Variants in RSF1 observed in about 807,000 individuals in gnomAD.
The protein encoded by RSF1 is remodeling and spacing factor 1, also known as HBV pX-associated protein 8.
In RSF1, 13 loss-of-function variants were observed where a neutral mutation model predicts 145.2. The observed-to-expected ratio is 0.09, with a 90% CI of 0.06 to 0.14. The LOEUF is 0.14. Among genes scored for constraint, RSF1 ranks in the 10% least tolerant of loss-of-function variants. The pLI, the probability that RSF1 is intolerant of heterozygous loss-of-function variation, is 1.00. For synonymous variants in RSF1, 577 were observed against 592.6 expected, an observed-to-expected ratio of 0.97 and a Z score of 0.38; for missense variants, 1,517 against 1,718.2, an observed-to-expected ratio of 0.88 and a Z score of 2.07.
At chr11:77,762,791 T>A (rs1294968620) in intron 2 of RSF1, 1 of 152,200 alleles carries the variant, frequency 6.6e-6, no homozygotes, top group Non-Finnish European at 1.5e-5. Context: ...GAATTTTATA[T>A]TAATTATATT....
chr11:77,823,684 G>A (rs1378412603), upstream of RSF1, among the ~76,000 whole-genome samples: 1 of 150,342 alleles, frequency 6.7e-6, no homozygotes, highest in Non-Finnish European at 1.5e-5. Flanking sequence ...ACAGTTTTGT[G>A]GAAACATACA....
At chr11:77,748,737 G>A (rs1489970710) in intron 2 of RSF1, among the ~76,000 whole-genome samples, 1 of 152,178 alleles carries the variant, frequency 6.6e-6, no homozygotes. Context: ...TGGTGCAGTT[G>A]CCTTGGAAAA....
At position 77,665,150 on chromosome 11, in the gene RSF1, A is replaced by C. The variant is rs1686764271; in HGVS notation, c.*1767T>G. ...AAGGGCAATACCTGTTGAAGAAGGA[A>C]AAGGAGTATAAAGTTCCTAGAGAGG... is the stretch of plus-strand genomic sequence containing the variant. On this transcript the variant is annotated 3_prime_UTR_variant, in exon 16 of 16. Coordinates refer to ENST00000308488, the MANE Select transcript of RSF1 (RefSeq NM_016578.4). The C allele has an allele frequency of 6.6e-6, 1 of 152,228 alleles. No individual in the cohort carries two copies. Among genetic ancestry groups the C allele is most frequent in the African/African-American group, 2.4e-5 (1 of 41,448 alleles). 9.4% of individuals were successfully genotyped at this position (152,228 alleles called of 1,614,324 possible).
At chr11:77,687,523 T>C (rs34446294) in intron 9 of RSF1, among the ~76,000 whole-genome samples, 27,400 of 151,880 alleles carry the variant, frequency 0.18, 3,145 homozygotes, top group African/African-American at 0.31. Context: ...CTGGCCAACA[T>C]GGCAAAACCC....
At chr11:77,866,325 C>T in the RSF1 span, 5 of 152,258 alleles carry the variant, frequency 3.3e-5, no homozygotes, top group South Asian at 8.3e-4. Context: ...CAGAAAGCCT[C>T]TTAAAGTAGA....
At chr11:77,712,680 A>C (rs191555922) in intron 5 of RSF1, among the ~76,000 whole-genome samples, 1 of 152,102 alleles carries the variant, frequency 6.6e-6, no homozygotes, top group Admixed American at 6.6e-5. Flanking sequence ...CTTAATGGTG[A>C]TTTTCTACTT....
intron 6 of RSF1, among the ~76,000 whole-genome samples, chr11:77,699,421 G>GAAACTTAAA (rs56123703): frequency 1.1e-4 from 16 of 152,212 alleles, no homozygotes; most frequent in African/African-American, 3.4e-4. Flanking sequence ...AACAAAAGAA[G>GAAACTTAAA]AAAACATTAA....
chr11:77,855,433 C>A, the RSF1 span: 1 of 170,008 alleles, frequency 5.9e-6, no homozygotes, highest in South Asian at 1.2e-4. Flanking sequence ...CATTCTCCTG[C>A]CTCAGCCTCC....
At chr11:77,755,092 A>C (rs1948102223) in intron 2 of RSF1, among the ~76,000 whole-genome samples, 1 of 152,242 alleles carries the variant, frequency 6.6e-6, no homozygotes, top group South Asian at 2.1e-4. Flanking sequence ...ATTCTATTTC[A>C]AATATGATGG....
At chr11:77,686,426 A>AAAAAAAAAAAAAAAAAAAAAAAAC in intron 9 of RSF1, among the ~76,000 whole-genome samples, 2 of 150,136 alleles carry the variant, frequency 1.3e-5, no homozygotes, top group South Asian at 2.1e-4. Context: ...AAAAAAAAAA[A>AAAAAAAAAAAAAAAAAAAAAAAAC]AAGCAGGTGT....
intron 5 of RSF1, among the ~76,000 whole-genome samples, chr11:77,709,689 C>T (rs765185146): frequency 2.5e-4 from 37 of 145,546 alleles, no homozygotes; most frequent in Non-Finnish European, 4.9e-4. Context: ...GAATTTGTGC[C>T]AATTCTTTTT....
chr11:77,794,802 G>GA (rs1317704431), intron 1 of RSF1, among the ~76,000 whole-genome samples: 2 of 152,132 alleles, frequency 1.3e-5, no homozygotes, highest in Non-Finnish European at 2.9e-5. Context: ...GAAAGACAAG[G>GA]ATGAATACTT....
Position 77,692,233 on chromosome 11 carries a change from A to ATTTTTTTTTTTTTTTTTTTTTTTTTT in RSF1, c.2821-1021_2821-996dup, listed in dbSNP as rs71046904. ...AAAAAATAATTATTACTACTTTTAA[A>ATTTTTTTTTTTTTTTTTTTTTTTTTT]TTTTTTTTTTTTTTTTTTTTTTTTT... On this transcript the variant is annotated intron_variant, in intron 8 of 15. Coordinates refer to ENST00000308488, the MANE Select transcript of RSF1 (RefSeq NM_016578.4). Among the ~76,000 whole-genome samples, 3 of 49,472 alleles carry ATTTTTTTTTTTTTTTTTTTTTTTTTT rather than the reference A, an allele frequency of 6.1e-5. 1 individual carries two copies. Among genetic ancestry groups the ATTTTTTTTTTTTTTTTTTTTTTTTTT allele is most frequent in the African/African-American group, 2.6e-4 (2 of 7,840 alleles). The allele number at this position is 49,472 out of a possible 152,430, so 32.5% of individuals were successfully genotyped here.
chr11:77,870,805 C>T, the RSF1 span, among the ~76,000 whole-genome samples: 2 of 152,178 alleles, frequency 1.3e-5, no homozygotes, highest in Non-Finnish European at 2.9e-5. Context: ...TACACACTTA[C>T]ACATATAGAT....
intron 1 of RSF1, among the ~76,000 whole-genome samples, chr11:77,817,051 T>C (rs1244617781): frequency 6.6e-6 from 1 of 152,202 alleles, no homozygotes; most frequent in African/African-American, 2.4e-5. Context: ...GACACAATAG[T>C]CCCTTCTTTC....
intron 2 of RSF1, chr11:77,762,079 G>C (rs1948181667): frequency 9.2e-6 from 1 of 108,282 alleles, no homozygotes; most frequent in Admixed American, 1.3e-4. Context: ...ATGTTGCCCA[G>C]GCTGGTCTCG....
chr11:77,676,798 C>T lies in RSF1; in HGVS notation c.3335G>A (p.Ser1112Asn). Residue 1112 changes from serine to asparagine, a missense_variant, in exon 13 of 16, where the codon AGT becomes AAT. By Grantham distance (46) the Ser-to-Asn change is conservative. This residue lies in a region of RSF1 where 231 missense variants were observed against 276.6 expected (regional missense o/e 0.84). Coordinates refer to ENST00000308488, the MANE Select transcript of RSF1 (RefSeq NM_016578.4). ...EEESEDEFKISDGSQDEFVVS... is the reference protein window; with the variant it reads ...EEESEDEFKINDGSQDEFVVS... Reference sequence around the variant, plus strand: ...CTAGTAGGAGACCACACACCCATCACTGATCTTGAATTCATCCTCGCTCTC... The same window carrying T: ...CTAGTAGGAGACCACACACCCATCATTGATCTTGAATTCATCCTCGCTCTC... The T allele has an allele frequency of 1.2e-6, 2 of 1,613,790 alleles. No homozygotes were observed. The highest frequency in any genetic ancestry group is 1.7e-6 in the Non-Finnish European group (2 of 1,179,734).
chr11:77,867,748 A>G, the RSF1 span, among the ~76,000 whole-genome samples: 1 of 152,200 alleles, frequency 6.6e-6, no homozygotes, highest in East Asian at 1.9e-4. Context: ...AGGTAGTTCA[A>G]GAAGCTACCA....
chr11:77,749,902 CCAT>C (rs904712285), intron 2 of RSF1, among the ~76,000 whole-genome samples: 63 of 152,218 alleles, frequency 4.1e-4, no homozygotes, highest in African/African-American at 1.3e-3. Flanking sequence ...GCGCCCACCA[CCAT>C]GCCTGGCTAA....
Sources: allele counts gnomAD v4.1 joint callset (sites outside exome capture counted in the v4.1 genomes callset), GRCh38; gene constraint gnomAD v4.1.1; regional missense constraint gnomAD v4.1.1; transcripts MANE v1.5; gene names NCBI Gene and HGNC (gene_info 2026-07-23, HGNC 2026-07-21).